Variants in B3GLCT observed in about 807,000 individuals in gnomAD.
B3GLCT encodes beta-1,3-glucosyltransferase.
In B3GLCT, 65 loss-of-function variants were observed where a neutral mutation model predicts 63.4. That is an observed-to-expected ratio of 1.03 (90% CI 0.84 to 1.26). The LOEUF (loss-of-function observed/expected upper bound fraction) is 1.26. Among genes scored for constraint, B3GLCT ranks in the 50% most tolerant of loss-of-function variants. The probability of loss-of-function intolerance (pLI) is 0.00; values close to 1 mark genes in which losing one functional copy is unlikely to be tolerated. For missense variants in B3GLCT, 577 were observed against 604.8 expected (o/e 0.95, Z 0.48); for synonymous variants, 233 against 219.2 (o/e 1.06, Z -0.55).
Position 31,261,052 on chromosome 13 carries a change from G to A in B3GLCT, c.566G>A (p.Gly189Asp). The A allele has an allele frequency of 6.2e-7, 1 of 1,613,606 alleles. No homozygotes were observed. Among genetic ancestry groups the A allele is most frequent in the Non-Finnish European group, 8.5e-7 (1 of 1,179,902 alleles). ...TTTAAGTATCCAGACTTTGCTGCAG[G>A]CTGGGCCTTAAGTATTCCACTTGTA... ...TVFKYPDFAA[G>D]WALSIPLVNK... Residue 189 changes from glycine to aspartate, a missense_variant, in exon 7 of 15, where the codon GGC (glycine) becomes GAC (aspartate). Transcript: ENST00000343307.
intron 12 of B3GLCT, among the ~76,000 whole-genome samples, chr13:31,313,086 T>A (rs1349219332): frequency 6.6e-6 from 1 of 152,250 alleles, no homozygotes; most frequent in Non-Finnish European, 1.5e-5. Context: ...TCTTTTCATA[T>A]ATTAAATTCG....
intron 1 of B3GLCT, among the ~76,000 whole-genome samples, chr13:31,200,496 A>C (rs1295836968): frequency 1.3e-5 from 2 of 149,852 alleles, no homozygotes; most frequent in Admixed American, 1.3e-4. Flanking sequence ...CCCCCACAGG[A>C]AGCGCGCAGG....
chr13:31,317,318 C>T (rs1441122118), intron 12 of B3GLCT, among the ~76,000 whole-genome samples: 1 of 152,206 alleles, frequency 6.6e-6, no homozygotes. Context: ...CTTGTAAAAA[C>T]TGAGGAACAA....
chr13:31,265,982 C>T (rs1171418836), intron 7 of B3GLCT, among the ~76,000 whole-genome samples: 3 of 151,476 alleles, frequency 2.0e-5, no homozygotes, highest in African/African-American at 4.9e-5. Flanking sequence ...TAGAACTGTG[C>T]TATTGGGGGC....
chr13:31,296,076 G>A (rs554395524), intron 12 of B3GLCT, among the ~76,000 whole-genome samples: 39 of 152,258 alleles, frequency 2.6e-4, no homozygotes, highest in African/African-American at 6.7e-4. Context: ...GGAGTTCCCC[G>A]TCCCCTTGTG....
chr13:31,273,004 T>C (rs746839193), intron 8 of B3GLCT, among the ~76,000 whole-genome samples: 3 of 152,224 alleles, frequency 2.0e-5, no homozygotes, highest in South Asian at 2.1e-4. Flanking sequence ...ACTTTGTTTT[T>C]GAAGCATGCT....
intron 4 of B3GLCT, among the ~76,000 whole-genome samples, chr13:31,234,229 C>T (rs1455827124): frequency 2.0e-5 from 3 of 152,018 alleles, no homozygotes; most frequent in Non-Finnish European, 4.4e-5. Flanking sequence ...ACCATGTTAG[C>T]CAGGATGGTC....
chr13:31,286,832 T>G lies in B3GLCT; in HGVS notation c.1064+13T>G, dbSNP rs773933824. On this transcript the variant is annotated intron_variant, in intron 12 of 14. Transcript: ENST00000343307. The stretch of plus-strand genomic sequence containing the variant: ...ATACATTAATAAGGTAAGGAGTCAT[T>G]CTCATCCTAAATGGCTTTAAATTCT... The G allele has an allele frequency of 1.9e-6, 3 of 1,559,058 alleles. No individual in the cohort carries two copies. Among genetic ancestry groups the G allele is most frequent in the Non-Finnish European group, 2.6e-6 (3 of 1,132,696 alleles).
chr13:31,298,856 A>G (rs1484384035), intron 12 of B3GLCT, among the ~76,000 whole-genome samples: 1 of 152,216 alleles, frequency 6.6e-6, no homozygotes, highest in African/African-American at 2.4e-5. Context: ...GGGGTGAAGG[A>G]GCAACACAGT....
chr13:31,273,315 C>G (rs1330100980), intron 8 of B3GLCT, among the ~76,000 whole-genome samples: 1 of 152,064 alleles, frequency 6.6e-6, no homozygotes, highest in Non-Finnish European at 1.5e-5. Context: ...AGGCTGGTCT[C>G]GAACTCCTGA....
intron 12 of B3GLCT, among the ~76,000 whole-genome samples, chr13:31,298,754 T>C (rs559785575): frequency 6.6e-6 from 1 of 152,168 alleles, no homozygotes; most frequent in Admixed American, 6.5e-5. Context: ...CCCATGCAGA[T>C]AGGGTAAAGT....
At chr13:31,247,475 A>G (rs1430785522) in intron 5 of B3GLCT, among the ~76,000 whole-genome samples, 1 of 152,118 alleles carries the variant, frequency 6.6e-6, no homozygotes, top group African/African-American at 2.4e-5. Flanking sequence ...AGATTTTACC[A>G]TGTTGGCCAG....
intron 1 of B3GLCT, among the ~76,000 whole-genome samples, chr13:31,202,624 G>T (rs764357808): frequency 3.3e-5 from 5 of 152,212 alleles, no homozygotes; most frequent in Non-Finnish European, 7.3e-5. Context: ...TTTCTCAGTG[G>T]CCTTTGCATA....
At position 31,331,703 on chromosome 13, in the gene B3GLCT, A is replaced by T. The variant is rs1044870572; in HGVS notation, c.*2035A>T. ...AAACCATCAGAAATTGATAATGTTT[A>T]TATAAAGTTTATAAAGCCATTGTGT... On this transcript the variant is annotated 3_prime_UTR_variant, in exon 15 of 15. Coordinates refer to ENST00000343307, the MANE Select transcript of B3GLCT (RefSeq NM_194318.4). The T allele has an allele frequency of 2.0e-5, 3 of 152,264 alleles. No individual in the cohort carries two copies. The highest frequency in any genetic ancestry group is 4.4e-5 in the Non-Finnish European group (3 of 68,046). 9.4% of individuals were successfully genotyped at this position (152,264 alleles called of 1,614,324 possible).
intron 12 of B3GLCT, among the ~76,000 whole-genome samples, chr13:31,313,341 G>A (rs1185954528): frequency 2.0e-5 from 3 of 152,216 alleles, no homozygotes; most frequent in Non-Finnish European, 4.4e-5. Flanking sequence ...CTTTAGCCTA[G>A]AGACTTGTTG....
At chr13:31,219,990 A>G (rs1447979149) in intron 2 of B3GLCT, among the ~76,000 whole-genome samples, 2 of 152,210 alleles carry the variant, frequency 1.3e-5, no homozygotes, top group African/African-American at 2.4e-5. Context: ...CTACAACACA[A>G]TCCTGTGAAG....
chr13:31,260,223 C>A (rs1261259352), intron 6 of B3GLCT, among the ~76,000 whole-genome samples: 1 of 152,216 alleles, frequency 6.6e-6, no homozygotes, highest in African/African-American at 2.4e-5. Flanking sequence ...TTGCATAGAG[C>A]TGGCTCTTTG....
In B3GLCT at chr13:31,212,739, GAGTT is replaced by G. The variant is rs550375034; in HGVS notation, c.71-2307_71-2304del. ...AGATGGATTTTTGAATCAAAGTCAT[GAGTT>G]AGTTTGACCACAGTTTTTATATCTT... On this transcript the variant is annotated intron_variant, in intron 1 of 14. Coordinates refer to ENST00000343307, the MANE Select transcript of B3GLCT (RefSeq NM_194318.4). Among the ~76,000 whole-genome samples, 11 of 152,344 alleles carry G rather than the reference GAGTT, an allele frequency of 7.2e-5. No homozygotes were observed. In the East Asian group the frequency reaches 2.1e-3, roughly 29 times the overall value.
chr13:31,296,260 C>T (rs1873938304), intron 12 of B3GLCT, among the ~76,000 whole-genome samples: 1 of 152,246 alleles, frequency 6.6e-6, no homozygotes, highest in Non-Finnish European at 1.5e-5. Context: ...CCTATTTGGC[C>T]ATCTTGCCAG....
Sources: gnomAD v4.1 joint callset for allele counts (sites outside exome capture counted in the v4.1 genomes callset) on GRCh38, gnomAD v4.1.1 for gene constraint, MANE v1.5 for transcripts, NCBI Gene and HGNC (gene_info 2026-07-23, HGNC 2026-07-21) for gene names.